The following MYCBP2 variants were observed in gnomAD, a reference collection of about 807,000 sequenced individuals.
The protein encoded by MYCBP2 is MYC binding protein 2, also known as E3 ubiquitin-protein ligase MYCBP2.
A neutral mutation model predicts 525.3 loss-of-function variants in MYCBP2; 120 were observed. The ratio of observed to expected loss-of-function variants is 0.23; its 90% CI spans 0.20 to 0.27. The LOEUF is 0.27. Ranked by LOEUF, MYCBP2 falls within the 10% of genes least tolerant of loss-of-function variation. MYCBP2 has a pLI of 1.00. For missense variants in MYCBP2, 4,149 were observed against 5,657.1 expected, an observed-to-expected ratio of 0.73 and a Z score of 8.55; for synonymous variants, 1,894 against 1,955.8, an observed-to-expected ratio of 0.97 and a Z score of 0.83.
At chr13:77,177,299 C>G (rs2059798925) in intron 35 of MYCBP2, among the ~76,000 whole-genome samples, 1 of 150,628 alleles carries the variant, frequency 6.6e-6, no homozygotes, top group South Asian at 2.1e-4. Flanking sequence ...CACAAACAAT[C>G]AGGTAAAATC....
intron 13 of MYCBP2, 146 bp downstream of exon 13, chr13:77,260,282 T>C (rs1358972007): frequency 1.7e-6 from 1 of 592,740 alleles, no homozygotes; most frequent in African/African-American, 2.0e-5. Flanking sequence ...AGAAAATTTC[T>C]CTTTCGAAAT....
At chr13:77,047,405 A>G (rs1014595485) in intron 82 of MYCBP2, among the ~76,000 whole-genome samples, 2 of 152,214 alleles carry the variant, frequency 1.3e-5, no homozygotes, top group African/African-American at 4.8e-5. Flanking sequence ...AAGGTAGTCA[A>G]TAAATATTTT....
intron 55 of MYCBP2, among the ~76,000 whole-genome samples, chr13:77,120,162 C>G (rs1176356154): frequency 6.6e-6 from 1 of 151,944 alleles, no homozygotes; most frequent in African/African-American, 2.4e-5. Context: ...TAAGCAAATG[C>G]TGAGATTTTA....
intron 2 of MYCBP2, among the ~76,000 whole-genome samples, chr13:77,293,215 G>A (rs911391543): frequency 5.3e-5 from 8 of 152,264 alleles, no homozygotes; most frequent in Middle Eastern, 3.4e-3. Context: ...GTCATGTGCT[G>A]GAAGGTAGAA....
intron 26 of MYCBP2, among the ~76,000 whole-genome samples, chr13:77,202,318 C>T (rs1422100415): frequency 1.3e-5 from 2 of 152,214 alleles, no homozygotes; most frequent in Non-Finnish European, 1.5e-5. Flanking sequence ...TTCCTGGACA[C>T]ATACACTCTC....
chr13:77,074,162 T>A (rs1451199112), intron 68 of MYCBP2, among the ~76,000 whole-genome samples: 1 of 152,096 alleles, frequency 6.6e-6, no homozygotes, highest in Non-Finnish European at 1.5e-5. Flanking sequence ...GACACTTTGA[T>A]GGATCAATGG....
At chr13:77,221,640 A>G (rs1242497366) in intron 20 of MYCBP2, among the ~76,000 whole-genome samples, 2 of 152,188 alleles carry the variant, frequency 1.3e-5, no homozygotes, top group Admixed American at 1.3e-4. Flanking sequence ...TCTAACTGCA[A>G]TGCACCTTTC....
Position 77,045,276 on chromosome 13 carries a change from A to G in MYCBP2, c.*102T>C, listed in dbSNP as rs752270244. The G allele has an allele frequency of 1.6e-5, 11 of 670,206 alleles. No homozygotes were observed. Among genetic ancestry groups the G allele is most frequent in the Non-Finnish European group, 2.8e-5 (11 of 387,046 alleles). The allele number at this position is 670,206 out of a possible 1,614,324, so 41.5% of individuals were successfully genotyped here. ...GTGAATGGTTCATTTTCATGGATGT[A>G]AAAATGGTCCCGTCCTTATCCTGAG... On this transcript the variant is annotated 3_prime_UTR_variant, in exon 83 of 83. Transcript: ENST00000544440.
intron 20 of MYCBP2, among the ~76,000 whole-genome samples, chr13:77,220,183 T>G (rs1039021212): frequency 6.6e-6 from 1 of 151,860 alleles, no homozygotes; most frequent in African/African-American, 2.4e-5. Flanking sequence ...AAGAAACTGG[T>G]AAGAGTATAG....
intron 15 of MYCBP2, among the ~76,000 whole-genome samples, chr13:77,245,873 T>C (rs201293964): frequency 4.0e-5 from 6 of 150,840 alleles, no homozygotes; most frequent in African/African-American, 7.3e-5. Context: ...CACATATATA[T>C]ACACACACAC....
intron 3 of MYCBP2, among the ~76,000 whole-genome samples, chr13:77,284,890 AT>A (rs1263386828): frequency 6.6e-6 from 1 of 152,214 alleles, no homozygotes; most frequent in Non-Finnish European, 1.5e-5. Flanking sequence ...GATGTGTCAA[AT>A]AACTTCCAGT....
chr13:77,102,624 A>G (rs2047246835), intron 55 of MYCBP2, among the ~76,000 whole-genome samples: 1 of 151,474 alleles, frequency 6.6e-6, no homozygotes, highest in Non-Finnish European at 1.5e-5. Flanking sequence ...AACATTTCTA[A>G]GTTTAAAATA....
intron 55 of MYCBP2, among the ~76,000 whole-genome samples, chr13:77,117,512 G>A (rs1176399882): frequency 6.6e-6 from 1 of 152,044 alleles, no homozygotes; most frequent in East Asian, 1.9e-4. Context: ...AGTTATTAAA[G>A]TATTTTTGTA....
chr13:77,169,695 C>A lies in MYCBP2; in HGVS notation c.5814G>T (p.Leu1938=), dbSNP rs2058947491. The change falls in exon 39 of 83, where the codon CTG becomes CTT. Residue 1938 remains leucine (L), a synonymous_variant. Transcript: ENST00000544440. ...TGGAAAACAGACTGGAAGAACTCAG[C>A]AGTTCTGGAATGTCATCAGCTAAAA... ...LAVDADDIPE[L]LSSSSLFSML... 6.2e-7 allele frequency: 1 copy of A among 1,613,724 alleles called. No homozygotes were observed. The highest frequency in any genetic ancestry group is 8.5e-7 in the Non-Finnish European group (1 of 1,179,916).
chr13:77,270,772 A>G (rs2074762790), intron 5 of MYCBP2, among the ~76,000 whole-genome samples: 1 of 152,156 alleles, frequency 6.6e-6, no homozygotes, highest in Admixed American at 6.5e-5. Context: ...GTAAAATCTT[A>G]GCCATTATTT....
Position 77,260,515 on chromosome 13 carries a change from C to T in MYCBP2, c.1930G>A (p.Ala644Thr). 1 of 1,610,868 alleles carries T rather than the reference C, an allele frequency of 6.2e-7. No individual in the cohort carries two copies. The highest frequency in any genetic ancestry group is 8.5e-7 in the Non-Finnish European group (1 of 1,178,128). Reference sequence around the variant, plus strand: ...ACAGAACTACTTCCATTATTGCAGGCTGTATATACCACAATCTTTCCTTCC... The same window carrying T: ...ACAGAACTACTTCCATTATTGCAGGTTGTATATACCACAATCTTTCCTTCC... ...KMEGKIVVYT[A>T]CNNGSSSVIS... The change falls in exon 13 of 83, where the codon GCC (alanine) becomes ACC (threonine). Residue 644 changes from alanine (A) to threonine (T), a missense_variant. Coordinates refer to ENST00000544440, the MANE Select transcript of MYCBP2 (RefSeq NM_015057.5).
intron 55 of MYCBP2, 135 bp from the exon 56 acceptor site, chr13:77,099,148 A>T (rs942799140): frequency 8.7e-7 from 1 of 1,156,052 alleles, no homozygotes; most frequent in African/African-American, 1.6e-5. Context: ...ATACTTGAAG[A>T]ATAAAGGAAA....
At chr13:77,056,507 C>T (rs1020665059) in intron 79 of MYCBP2, among the ~76,000 whole-genome samples, 1 of 152,222 alleles carries the variant, frequency 6.6e-6, no homozygotes, top group African/African-American at 2.4e-5. Flanking sequence ...TACTTGCTGA[C>T]TACCTTTGTA....
chr13:77,055,482 C>A, intron 80 of MYCBP2, 76 bp downstream of exon 80: 1 of 1,162,124 alleles, frequency 8.6e-7, no homozygotes, highest in East Asian at 2.4e-5. Flanking sequence ...AATTAGATAT[C>A]ACTGTACAAT....
Sources: allele counts gnomAD v4.1 joint callset (sites outside exome capture counted in the v4.1 genomes callset), GRCh38; gene constraint gnomAD v4.1.1; transcripts MANE v1.5; gene names NCBI Gene and HGNC (gene_info 2026-07-23, HGNC 2026-07-21).